The following HDGFL3 variants were observed in gnomAD, a reference collection of about 807,000 sequenced individuals.
The protein encoded by HDGFL3 is HDGF like 3, also known as hepatoma-derived growth factor-related protein 3.
Under a neutral mutation model 27.6 loss-of-function variants are expected in HDGFL3, and 6 were observed. The ratio of observed to expected loss-of-function variants is 0.22; its 90% CI spans 0.12 to 0.43. The LOEUF is 0.43. Among genes scored for constraint, HDGFL3 ranks in the 20% least tolerant of loss-of-function variants. The pLI, the probability that HDGFL3 is intolerant of heterozygous loss-of-function variation, is 1.00. For synonymous variants in HDGFL3, 88 were observed against 88.9 expected (o/e 0.99, Z 0.05); for missense variants, 207 against 250.1 (o/e 0.83, Z 1.16).
chr15:83,137,231 A>G lies in HDGFL3; in HGVS notation c.*2039T>C, dbSNP rs1185050205. 1.3e-5 allele frequency: 2 copies of G among 152,192 alleles called. No homozygotes were observed. The highest frequency in any genetic ancestry group is 2.9e-5 in the Non-Finnish European group (2 of 68,016). 9.4% of individuals were successfully genotyped at this position (152,192 alleles called of 1,614,324 possible). ...ACTTTTACTAAATTTTTTTGTGTGA[A>G]TTTAAACAGCTAAATAGGGATCAGT... On this transcript the variant is annotated 3_prime_UTR_variant, in exon 6 of 6. Transcript: ENST00000299633.
chr15:83,193,625 C>A (rs1271636875), intron 1 of HDGFL3, among the ~76,000 whole-genome samples: 5 of 152,158 alleles, frequency 3.3e-5, no homozygotes, highest in African/African-American at 1.2e-4. Flanking sequence ...AATATGAAAG[C>A]AACTCTCCGT....
chr15:83,178,986 A>G (rs1174473383), intron 1 of HDGFL3, among the ~76,000 whole-genome samples: 1 of 152,120 alleles, frequency 6.6e-6, no homozygotes, highest in Non-Finnish European at 1.5e-5. Context: ...TTTATCTCCT[A>G]TAGATAAAGA....
downstream of HDGFL3, chr15:83,124,709 G>A (rs745698957): frequency 1.2e-6 from 2 of 1,614,098 alleles, no homozygotes; most frequent in Non-Finnish European, 8.5e-7. Flanking sequence ...CTGCTGAGAA[G>A]ACCATTTGAT....
intron 5 of HDGFL3, among the ~76,000 whole-genome samples, chr15:83,149,329 A>G (rs929752240): frequency 2.0e-5 from 3 of 152,272 alleles, no homozygotes; most frequent in Middle Eastern, 3.2e-3. Flanking sequence ...ATTAGTGGTT[A>G]GAACAATGAA....
chr15:83,132,257 T>C lies in HDGFL3; in HGVS notation c.*7013A>G, dbSNP rs1000095506. On this transcript the variant is annotated 3_prime_UTR_variant, in exon 6 of 6. Coordinates refer to ENST00000299633, the MANE Select transcript of HDGFL3 (RefSeq NM_016073.4). Reference sequence around the variant, plus strand: ...GATTCCCAGTAAGAATTTGGAGATATGCCTTATGTTGTTCCGAAGATTAAC... The same window carrying C: ...GATTCCCAGTAAGAATTTGGAGATACGCCTTATGTTGTTCCGAAGATTAAC... The C allele has an allele frequency of 2.0e-5, 3 of 152,252 alleles. No homozygotes were observed. The highest frequency in any genetic ancestry group is 4.8e-5 in the African/African-American group (2 of 41,456). 9.4% of individuals were successfully genotyped at this position (152,252 alleles called of 1,614,324 possible).
chr15:83,192,051 C>G (rs1184522359), intron 1 of HDGFL3, among the ~76,000 whole-genome samples: 1 of 150,524 alleles, frequency 6.6e-6, no homozygotes, highest in African/African-American at 2.4e-5. Context: ...AAGCAATTCT[C>G]CTGCCTCAGC....
chr15:83,189,249 A>C (rs2037482205), intron 1 of HDGFL3: 2 of 151,984 alleles, frequency 1.3e-5, no homozygotes, highest in African/African-American at 4.8e-5. Context: ...TATAAATCAG[A>C]TCATGTAATT....
intron 1 of HDGFL3, among the ~76,000 whole-genome samples, chr15:83,174,011 A>G (rs1290970353): frequency 6.6e-6 from 1 of 152,216 alleles, no homozygotes; most frequent in Non-Finnish European, 1.5e-5. Context: ...TGGTGTACTA[A>G]GAAAAGATGG....
chr15:83,125,025 T>C (rs1440541709), downstream of HDGFL3, among the ~76,000 whole-genome samples: 1 of 152,180 alleles, frequency 6.6e-6, no homozygotes, highest in Non-Finnish European at 1.5e-5. Flanking sequence ...TTTTAGGGCA[T>C]CTAAAAAATC....
chr15:83,199,187 G>C (rs2037607490), intron 1 of HDGFL3, among the ~76,000 whole-genome samples: 1 of 152,304 alleles, frequency 6.6e-6, no homozygotes, highest in African/African-American at 2.4e-5. Flanking sequence ...ACATCAAATA[G>C]TGGTCTAGAG....
chr15:83,132,079 TCA>T lies in HDGFL3; in HGVS notation c.*7189_*7190del, dbSNP rs1397753529. The T allele has an allele frequency of 6.6e-6, 1 of 152,374 alleles. No homozygotes were observed. The highest frequency in any genetic ancestry group is 1.9e-4 in the East Asian group (1 of 5,190). 9.4% of individuals were successfully genotyped at this position (152,374 alleles called of 1,614,324 possible). ...CTTGGCTACTTTACCTCTCTGATCC[TCA>T]GTTTCCTCTTCTGTAAAGTGAGGAT... On this transcript the variant is annotated 3_prime_UTR_variant, in exon 6 of 6. Coordinates refer to ENST00000299633, the MANE Select transcript of HDGFL3 (RefSeq NM_016073.4).
At chr15:83,181,947 G>C (rs1382105075) in intron 1 of HDGFL3, among the ~76,000 whole-genome samples, 3 of 152,168 alleles carry the variant, frequency 2.0e-5, no homozygotes, top group African/African-American at 7.2e-5. Flanking sequence ...TACTTTTGTT[G>C]AGGTAAAACT....
At chr15:83,193,161 G>C (rs1437008832) in intron 1 of HDGFL3, among the ~76,000 whole-genome samples, 1 of 152,120 alleles carries the variant, frequency 6.6e-6, no homozygotes, top group Non-Finnish European at 1.5e-5. Context: ...CGTGCAATGG[G>C]AGAAAATTAT....
intron 5 of HDGFL3, among the ~76,000 whole-genome samples, chr15:83,150,729 A>G (rs1256599573): frequency 6.6e-6 from 1 of 152,228 alleles, no homozygotes; most frequent in African/African-American, 2.4e-5. Flanking sequence ...AAGAGTCATC[A>G]TAGACAAATT....
chr15:83,113,708 T>G (rs137954147), exon 4 of HDGFL3: 3 of 152,790 alleles, frequency 2.0e-5, no homozygotes, highest in Admixed American at 6.5e-5. Flanking sequence ...GGCTGTTCTC[T>G]GACTCCTTGT....
chr15:83,121,800 A>G, intron 3 of HDGFL3: 1 of 730,396 alleles, frequency 1.4e-6, no homozygotes, highest in Non-Finnish European at 2.3e-6. Flanking sequence ...CTCTCAATTC[A>G]ATATGTTTTG....
At position 83,167,562 on chromosome 15, in the gene HDGFL3, G is replaced by GA. The variant is rs76337560; in HGVS notation, c.85-3488dup. Among the ~76,000 whole-genome samples the GA allele has an allele frequency of 6.5e-3, 641 of 99,188 alleles. 3 individuals are homozygous for GA. Among genetic ancestry groups the GA allele is most frequent in the Middle Eastern group, 0.028 (4 of 142 alleles). The allele number at this position is 99,188 out of a possible 152,430, so 65.1% of individuals were successfully genotyped here. A position where few individuals can be genotyped will look rare whatever the true frequency, so the allele number is the denominator to read the frequency against. ...GTGGCAAAGTGAGACTCCATCTCAA[G>GA]AAAAAAAAAAAAAAAAGTACAAAGA... On this transcript the variant is annotated intron_variant, in intron 1 of 5. Transcript: ENST00000299633.
chr15:83,187,367 C>G (rs1257461028), intron 1 of HDGFL3, among the ~76,000 whole-genome samples: 2 of 151,946 alleles, frequency 1.3e-5, no homozygotes, highest in Admixed American at 6.6e-5. Flanking sequence ...GAACTACTCT[C>G]TGTGTGTGTC....
chr15:83,133,236 C>G lies in HDGFL3; in HGVS notation c.*6034G>C, dbSNP rs1596530920. ...AACTCTAAGAAAAGATAACACAGTT[C>G]TAGATTAGCTATTTATACTGTATTA... is the stretch of plus-strand genomic sequence containing the variant. On this transcript the variant is annotated 3_prime_UTR_variant, in exon 6 of 6. Transcript: ENST00000299633. 6.6e-6 allele frequency: 1 copy of G among 152,182 alleles called. No homozygotes were observed. The highest frequency in any genetic ancestry group is 1.9e-4 in the East Asian group (1 of 5,196). 9.4% of individuals were successfully genotyped at this position (152,182 alleles called of 1,614,324 possible). A position where few individuals can be genotyped will look rare whatever the true frequency, so the allele number is the denominator to read the frequency against.
Sources: allele counts gnomAD v4.1 joint callset (sites outside exome capture counted in the v4.1 genomes callset), GRCh38; gene constraint gnomAD v4.1.1; transcripts MANE v1.5; gene names NCBI Gene and HGNC (gene_info 2026-07-23, HGNC 2026-07-21).